The following RHOG variants were observed in gnomAD, a reference collection of about 807,000 sequenced individuals.
RHOG encodes the protein rho-related GTP-binding protein RhoG.
In RHOG, 1 loss-of-function variant was observed where a neutral mutation model predicts 12.3. The observed-to-expected ratio is 0.08, with a 90% CI of 0.03 to 0.39. RHOG has a LOEUF of 0.39. RHOG is among the 10% of genes least tolerant of loss of function. The pLI is 0.99. For synonymous variants in RHOG, 129 were observed against 116.0 expected (o/e 1.11, Z -0.72); for missense variants, 114 against 266.2 (o/e 0.43, Z 3.98).
chr11:3,829,705 C>A (rs1370943444), intron 1 of RHOG, among the ~76,000 whole-genome samples: 4 of 152,072 alleles, frequency 2.6e-5, no homozygotes, highest in African/African-American at 9.7e-5. Context: ...CTGAGGCTCC[C>A]AGACATTAGT....
At chr11:3,836,493 G>C (rs896388013) in intron 1 of RHOG, among the ~76,000 whole-genome samples, 17 of 152,100 alleles carry the variant, frequency 1.1e-4, no homozygotes, top group African/African-American at 3.9e-4. Context: ...CCACCCACTA[G>C]GAAACGAGAC....
chr11:3,836,704 G>C (rs971900675), intron 1 of RHOG, among the ~76,000 whole-genome samples: 2 of 151,714 alleles, frequency 1.3e-5, no homozygotes, highest in African/African-American at 4.9e-5. Flanking sequence ...TTCGAGACCA[G>C]CCTGGCCAGC....
intron 1 of RHOG, among the ~76,000 whole-genome samples, chr11:3,839,596 C>CACGCAA (rs1234263319): frequency 8.7e-6 from 1 of 114,628 alleles, no homozygotes; most frequent in African/African-American, 3.5e-5. Context: ...TGCGAACACA[C>CACGCAA]ACGCAAACAC....
At chr11:3,833,555 T>A (rs1002372502) in intron 1 of RHOG, among the ~76,000 whole-genome samples, 1 of 152,196 alleles carries the variant, frequency 6.6e-6, no homozygotes, top group African/African-American at 2.4e-5. Context: ...TACGTAGACT[T>A]GGGTTTGAAT....
At chr11:3,830,890 A>G (rs1032228154) in intron 1 of RHOG, among the ~76,000 whole-genome samples, 4 of 151,370 alleles carry the variant, frequency 2.6e-5, no homozygotes, top group African/African-American at 9.7e-5. Flanking sequence ...GATTATTTAC[A>G]CTGCTATGGC....
At chr11:3,839,072 T>G (rs2090173200) in intron 1 of RHOG, among the ~76,000 whole-genome samples, 1 of 152,202 alleles carries the variant, frequency 6.6e-6, no homozygotes, top group South Asian at 2.1e-4. Context: ...CGCCGCTTCT[T>G]AAGTCCGAAG....
chr11:3,833,340 G>C (rs1424101006), intron 1 of RHOG, among the ~76,000 whole-genome samples: 2 of 152,146 alleles, frequency 1.3e-5, no homozygotes, highest in Non-Finnish European at 2.9e-5. Context: ...GGCTGGTCTT[G>C]AACTCCTGGT....
At chr11:3,836,827 C>T (rs191735135) in intron 1 of RHOG, among the ~76,000 whole-genome samples, 4 of 138,588 alleles carry the variant, frequency 2.9e-5, no homozygotes, top group Admixed American at 8.0e-5. Flanking sequence ...GGCTTGAACC[C>T]GGGAGGTGGA....
At chr11:3,833,064 A>G (rs2090139360) in intron 1 of RHOG, among the ~76,000 whole-genome samples, 1 of 152,146 alleles carries the variant, frequency 6.6e-6, no homozygotes, top group African/African-American at 2.4e-5. Flanking sequence ...TCAAAAAAAA[A>G]AAAAGTTATT....
intron 1 of RHOG, among the ~76,000 whole-genome samples, chr11:3,837,336 C>T (rs1238191210): frequency 2.0e-5 from 3 of 152,180 alleles, no homozygotes; most frequent in Admixed American, 1.3e-4. Context: ...TTACTACCCC[C>T]TGGCAAAATC....
At position 3,828,834 on chromosome 11, in the gene RHOG, A is replaced by G. The variant is rs527609357; in HGVS notation, c.-68-628T>C. The stretch of plus-strand genomic sequence containing the variant: ...ATGGGGTTTCACCGTGTTGGCCAGG[A>G]TGGTCTCGATCTCCTGACCTCGTGA... On this transcript the variant is annotated intron_variant, in intron 1 of 1. Transcript: ENST00000351018. 2.0e-3 allele frequency among the ~76,000 whole-genome samples: 300 copies of G among 151,572 alleles called. 1 individual carries two copies. Among genetic ancestry groups the G allele is most frequent in the African/African-American group, 6.4e-3 (264 of 41,312 alleles).
At chr11:3,838,117 TAGA>T (rs1195900277) in intron 1 of RHOG, among the ~76,000 whole-genome samples, 3 of 152,254 alleles carry the variant, frequency 2.0e-5, no homozygotes, top group Non-Finnish European at 4.4e-5. Flanking sequence ...CTACAGTATA[TAGA>T]AGGAGTCTTC....
chr11:3,833,864 T>C (rs540326385), intron 1 of RHOG, among the ~76,000 whole-genome samples: 1 of 152,278 alleles, frequency 6.6e-6, no homozygotes, highest in African/African-American at 2.4e-5. Context: ...CCCTCTCCCT[T>C]CTCTAATCTT....
intron 1 of RHOG, among the ~76,000 whole-genome samples, chr11:3,829,052 A>G (rs956434228): frequency 6.6e-6 from 1 of 151,840 alleles, no homozygotes; most frequent in Non-Finnish European, 1.5e-5. Context: ...GGCACAGGAC[A>G]GCTGTCCCAG....
chr11:3,837,646 G>A (rs754897710), intron 1 of RHOG, among the ~76,000 whole-genome samples: 7 of 152,192 alleles, frequency 4.6e-5, no homozygotes, highest in African/African-American at 7.2e-5. Context: ...ACAAGGATCC[G>A]GATCTTCTAG....
intron 1 of RHOG, among the ~76,000 whole-genome samples, chr11:3,832,294 A>G (rs2090134485): frequency 6.6e-6 from 1 of 152,240 alleles, no homozygotes; most frequent in African/African-American, 2.4e-5. Flanking sequence ...GTAACTCAAC[A>G]TCACACAGCT....
At chr11:3,831,599 A>C (rs2090129289) in intron 1 of RHOG, among the ~76,000 whole-genome samples, 1 of 152,170 alleles carries the variant, frequency 6.6e-6, no homozygotes, top group Non-Finnish European at 1.5e-5. Flanking sequence ...ACTCACTATA[A>C]CCAAGCATGA....
In RHOG at chr11:3,828,867, G is replaced by A. The variant is rs543862140; in HGVS notation, c.-68-661C>T. On this transcript the variant is annotated intron_variant, in intron 1 of 1. Coordinates refer to ENST00000351018, the MANE Select transcript of RHOG (RefSeq NM_001665.4). ...GATCTCCTGACCTCGTGATCCGCCC[G>A]CCTTGGCCTCCTAAAGTGCTGGGAT... is the stretch of plus-strand genomic sequence containing the variant. Among the ~76,000 whole-genome samples, 295 of 151,932 alleles carry A rather than the reference G, an allele frequency of 1.9e-3. 1 individual carries two copies. The highest frequency in any genetic ancestry group is 3.9e-3 in the African/African-American group (163 of 41,414).
intron 1 of RHOG, among the ~76,000 whole-genome samples, chr11:3,832,763 G>A (rs1388475586): frequency 2.0e-5 from 3 of 152,234 alleles, no homozygotes; most frequent in Admixed American, 6.5e-5. Context: ...GCCCATTTCA[G>A]GAGGGCATAT....
Sources: allele counts gnomAD v4.1 joint callset (sites outside exome capture counted in the v4.1 genomes callset), GRCh38; gene constraint gnomAD v4.1.1; transcripts MANE v1.5; gene names NCBI Gene and HGNC (gene_info 2026-07-23, HGNC 2026-07-21).